REG4: variants seen among roughly 807,000 people sequenced by gnomAD.
REG4 encodes regenerating family member 4, also known as regenerating islet-derived protein 4.
In REG4, 16 loss-of-function variants were observed where a neutral mutation model predicts 22.3. The observed-to-expected ratio is 0.72, with a 90% CI of 0.49 to 1.09. The LOEUF is 1.09. REG4 is among the 50% of genes least tolerant of loss of function. The pLI is 0.00. For missense variants in REG4, 214 were observed against 193.9 expected, an observed-to-expected ratio of 1.10 and a Z score of -0.61; for synonymous variants, 71 against 69.2, an observed-to-expected ratio of 1.03 and a Z score of -0.13.
intron 5 of REG4, among the ~76,000 whole-genome samples, chr1:119,797,866 C>G (rs587684852): frequency 8.5e-5 from 13 of 152,230 alleles, no homozygotes; most frequent in Non-Finnish European, 1.6e-4. Context: ...GGATAGCCCC[C>G]ACAACCAAGA....
chr1:119,800,469 A>T (rs934154740), intron 3 of REG4, among the ~76,000 whole-genome samples: 53 of 152,032 alleles, frequency 3.5e-4, no homozygotes, highest in Non-Finnish European at 7.2e-4. Context: ...CACACTGGGC[A>T]CCTCACATTC....
At position 119,805,109 on chromosome 1, in the gene REG4, G is replaced by A. The variant is rs587725113; in HGVS notation, c.68-1944C>T. The stretch of plus-strand genomic sequence containing the variant: ...CAACCCTCCCAACCTTTATAAAAAC[G>A]AGAAATTCAAAACTTAGCAACAGAA... On this transcript the variant is annotated intron_variant, in intron 2 of 5. Transcript: ENST00000256585. Among the ~76,000 whole-genome samples, 22 of 152,176 alleles carry A rather than the reference G, an allele frequency of 1.4e-4. No individual in the cohort carries two copies. The South Asian group carries it at 2.5e-3, about 17-fold the overall frequency.
chr1:119,798,456 G>A, intron 5 of REG4, 41 bp downstream of exon 5: 1 of 1,491,044 alleles, frequency 6.7e-7, no homozygotes, highest in Non-Finnish European at 9.4e-7. Context: ...GGAAGAGTCT[G>A]CGCATTGGGA....
At chr1:119,804,346 A>C (rs3009200) in intron 2 of REG4, among the ~76,000 whole-genome samples, 6,389 of 152,240 alleles carry the variant, frequency 0.042, 448 homozygotes, top group African/African-American at 0.15. Flanking sequence ...CTGCTCGTCT[A>C]GCATGTAAGA....
intron 2 of REG4, among the ~76,000 whole-genome samples, chr1:119,806,187 C>T (rs965478606): frequency 6.6e-6 from 1 of 152,146 alleles, no homozygotes; most frequent in Non-Finnish European, 1.5e-5. Flanking sequence ...AGTGATCTAC[C>T]CGCCTTGGTG....
At chr1:119,804,577 C>A (rs1037799637) in intron 2 of REG4, among the ~76,000 whole-genome samples, 3 of 152,202 alleles carry the variant, frequency 2.0e-5, no homozygotes, top group Non-Finnish European at 4.4e-5. Context: ...CAAAGATATT[C>A]ATGTATTTAA....
intron 2 of REG4, among the ~76,000 whole-genome samples, chr1:119,805,601 C>A (rs1019072721): frequency 1.3e-5 from 2 of 151,536 alleles, no homozygotes; most frequent in Non-Finnish European, 2.9e-5. Flanking sequence ...TCTTCTCTTT[C>A]TCCCCTTTCT....
intron 5 of REG4, 123 bp downstream of exon 5, chr1:119,798,374 G>A: frequency 2.7e-6 from 2 of 741,462 alleles, no homozygotes; most frequent in East Asian, 4.9e-5. Flanking sequence ...CCTTGCTGGA[G>A]AAAAGAGTTG....
rs587601360 is a variant in REG4 at position 119,795,322 on chromosome 1, C to A, written c.410-637G>T. Among the ~76,000 whole-genome samples, 55 of 152,264 alleles carry A rather than the reference C, an allele frequency of 3.6e-4. 1 individual carries two copies. Among genetic ancestry groups the A allele is most frequent in the Middle Eastern group, 6.8e-3 (2 of 294 alleles). On this transcript the variant is annotated intron_variant, in intron 5 of 5. Coordinates refer to ENST00000256585, the MANE Select transcript of REG4 (RefSeq NM_032044.4). ...GGGGCTCTTGTGTTGAGGCAGGATG[C>A]AGTGAGGATCTGAGTGTGGCCTGTC...
chr1:119,794,833 TTTGA>T, intron 5 of REG4, 148 bp from the exon 6 acceptor site: 3 of 728,570 alleles, frequency 4.1e-6, no homozygotes, highest in Non-Finnish European at 7.2e-6. Context: ...TGTACAGTTG[TTTGA>T]TTGCTGCGAA....
Position 119,798,731 on chromosome 1 carries a change from G to T in REG4, c.304-129C>A. ...TTGGGAAAGTACAGAAATGCTTAAA[G>T]AAGGAAAAAGAGAAAGTCATTCCAC... On this transcript the variant is annotated intron_variant, in intron 4 of 5. Transcript: ENST00000256585. The T allele has an allele frequency of 6.7e-6, 4 of 601,056 alleles. No individual in the cohort carries two copies. In the South Asian group the frequency reaches 8.5e-5, roughly 13 times the overall value. The allele number at this position is 601,056 out of a possible 1,614,324, so 37.2% of individuals were successfully genotyped here. A position where few individuals can be genotyped will look rare whatever the true frequency, so the allele number is the denominator to read the frequency against.
At chr1:119,802,192 G>T in intron 3 of REG4, 1 of 290,920 alleles carries the variant, frequency 3.4e-6, no homozygotes, top group Non-Finnish European at 5.1e-6. Context: ...CTCAGACTTT[G>T]CTGGGGTTGC....
intron 3 of REG4, among the ~76,000 whole-genome samples, chr1:119,800,716 T>C (rs1320888467): frequency 6.6e-6 from 1 of 152,208 alleles, no homozygotes; most frequent in Non-Finnish European, 1.5e-5. Context: ...CATGGATCAA[T>C]TGCCTAAACA....
intron 5 of REG4, among the ~76,000 whole-genome samples, chr1:119,794,906 G>A (rs1038431456): frequency 1.3e-5 from 2 of 152,144 alleles, no homozygotes; most frequent in African/African-American, 2.4e-5. Flanking sequence ...AAAGCAGATG[G>A]CCCTCCATCA....
chr1:119,801,180 T>C (rs1228975270), intron 3 of REG4: 3 of 152,220 alleles, frequency 2.0e-5, no homozygotes, highest in Non-Finnish European at 2.9e-5. Flanking sequence ...TATGGGTGTA[T>C]GTATATAAAC....
At chr1:119,808,103 A>G (rs1026304121) in intron 2 of REG4, among the ~76,000 whole-genome samples, 2 of 152,240 alleles carry the variant, frequency 1.3e-5, no homozygotes, top group Non-Finnish European at 2.9e-5. Context: ...CAAAGACATT[A>G]CACCAGATGA....
At chr1:119,799,592 T>C (rs1992377) in intron 4 of REG4, 133 bp downstream of exon 4, 291,936 of 1,165,286 alleles carry the variant, frequency 0.25, 38,547 homozygotes, top group Middle Eastern at 0.4. Flanking sequence ...GACTTTGGTC[T>C]CCGTCAGCTG....
At chr1:119,804,154 C>T (rs1036367135) in intron 2 of REG4, among the ~76,000 whole-genome samples, 1 of 152,162 alleles carries the variant, frequency 6.6e-6, no homozygotes, top group Non-Finnish European at 1.5e-5. Flanking sequence ...CTTCTGACAC[C>T]ATGGTGGGTG....
chr1:119,797,512 C>G (rs1394451913), intron 5 of REG4, among the ~76,000 whole-genome samples: 1 of 152,204 alleles, frequency 6.6e-6, no homozygotes, highest in African/African-American at 2.4e-5. Flanking sequence ...CCCTCCCTAC[C>G]CCAGCCCAAT....
Sources: allele counts gnomAD v4.1 joint callset (sites outside exome capture counted in the v4.1 genomes callset), GRCh38; gene constraint gnomAD v4.1.1; transcripts MANE v1.5; gene names NCBI Gene and HGNC (gene_info 2026-07-23, HGNC 2026-07-21).